The following SYT17 variants were observed in gnomAD, a reference collection of about 807,000 sequenced individuals.
SYT17 encodes synaptotagmin 17, also known as synaptotagmin-17.
A neutral mutation model predicts 46.7 loss-of-function variants in SYT17; 22 were observed. The observed-to-expected ratio is 0.47, with a 90% CI of 0.34 to 0.67. The LOEUF (loss-of-function observed/expected upper bound fraction) is 0.67, where lower values mean the gene tolerates loss of function less well. Among genes scored for constraint, SYT17 ranks in the 30% least tolerant of loss-of-function variants. The pLI, the probability that SYT17 is intolerant of heterozygous loss-of-function variation, is 0.01. For missense variants in SYT17, 519 were observed against 612.8 expected (o/e 0.85, Z 1.62); for synonymous variants, 251 against 248.4 (o/e 1.01, Z -0.10).
At chr16:19,182,036 AT>A (rs1964580327) in intron 4 of SYT17, among the ~76,000 whole-genome samples, 2 of 151,700 alleles carry the variant, frequency 1.3e-5, no homozygotes, top group African/African-American at 4.8e-5. Context: ...GATTTAAAGT[AT>A]CTCACTAAAA....
At chr16:19,253,436 T>C (rs960827181) in intron 7 of SYT17, among the ~76,000 whole-genome samples, 2 of 152,002 alleles carry the variant, frequency 1.3e-5, no homozygotes, top group African/African-American at 4.8e-5. Flanking sequence ...CTAAGTGTGG[T>C]TGTGTGTGCC....
At chr16:19,186,345 A>G (rs1230736859) in intron 5 of SYT17, among the ~76,000 whole-genome samples, 2 of 151,366 alleles carry the variant, frequency 1.3e-5, no homozygotes. Flanking sequence ...TTAGCCAGGC[A>G]TGGTGGCATG....
chr16:19,222,094 T>C (rs1262272595), intron 5 of SYT17, among the ~76,000 whole-genome samples: 1 of 152,208 alleles, frequency 6.6e-6, no homozygotes, highest in Non-Finnish European at 1.5e-5. Context: ...CAGTTAAAGA[T>C]GCATTCTGAA....
chr16:19,260,343 A>G (rs1386142505), intron 7 of SYT17, among the ~76,000 whole-genome samples: 3 of 143,498 alleles, frequency 2.1e-5, no homozygotes, highest in Non-Finnish European at 4.6e-5. Context: ...TACCAAAAAA[A>G]AAAAAAAAAA....
chr16:19,200,694 G>A (rs1322849949), intron 5 of SYT17, among the ~76,000 whole-genome samples: 1 of 152,220 alleles, frequency 6.6e-6, no homozygotes, highest in Non-Finnish European at 1.5e-5. Flanking sequence ...CAGGGCAGGT[G>A]CAGTCAGATA....
chr16:19,203,306 C>T (rs916461558), intron 5 of SYT17, among the ~76,000 whole-genome samples: 2 of 147,846 alleles, frequency 1.4e-5, no homozygotes, highest in Admixed American at 6.8e-5. Context: ...GCCTAGCCAA[C>T]ATGGTGAAAC....
chr16:19,240,645 G>A (rs1468123786), intron 7 of SYT17, among the ~76,000 whole-genome samples: 2 of 152,208 alleles, frequency 1.3e-5, no homozygotes, highest in African/African-American at 4.8e-5. Flanking sequence ...TGGTCCCCAG[G>A]CTTCAGGCCC....
At chr16:19,233,066 C>A (rs1330249172) in intron 7 of SYT17, among the ~76,000 whole-genome samples, 1 of 152,172 alleles carries the variant, frequency 6.6e-6, no homozygotes, top group African/African-American at 2.4e-5. Flanking sequence ...CTCTCTTGTG[C>A]AGGCTGGGTT....
chr16:19,235,081 G>A (rs935998006), intron 7 of SYT17, among the ~76,000 whole-genome samples: 15 of 152,142 alleles, frequency 9.9e-5, no homozygotes, highest in African/African-American at 2.2e-4. Context: ...GGCACTCAGC[G>A]CCAGATCAGT....
rs757569403 is a variant in SYT17 at position 19,224,854 on chromosome 16, A to G, written c.1228+16A>G. 1.9e-6 allele frequency: 3 copies of G among 1,613,644 alleles called. No individual in the cohort carries two copies. The highest frequency in any genetic ancestry group is 8.5e-7 in the Non-Finnish European group (1 of 1,179,718). On this transcript the variant is annotated intron_variant, in intron 7 of 7. Coordinates refer to ENST00000355377, the MANE Select transcript of SYT17 (RefSeq NM_016524.4). ...GTGTTTACAGGTAGGTAGCATTCCA[A>G]AACCCGATGAACTCCAGGTGAGGCA... is the stretch of plus-strand genomic sequence containing the variant.
At chr16:19,223,347 A>G (rs1278722723) in intron 6 of SYT17, among the ~76,000 whole-genome samples, 182 bp downstream of exon 6, 1 of 152,198 alleles carries the variant, frequency 6.6e-6, no homozygotes. Context: ...GGTTGTGATA[A>G]CTACTGGAAA....
chr16:19,179,686 G>A (rs1202781311), intron 3 of SYT17, among the ~76,000 whole-genome samples: 1 of 152,184 alleles, frequency 6.6e-6, no homozygotes. Context: ...AAAGGGACTT[G>A]CCCCAGCACC....
intron 5 of SYT17, among the ~76,000 whole-genome samples, chr16:19,221,594 A>G: frequency 6.6e-6 from 1 of 152,144 alleles, no homozygotes; most frequent in East Asian, 1.9e-4. Flanking sequence ...TCAGTACAGG[A>G]ATCTTTTGGT....
At chr16:19,200,486 A>C (rs1199443501) in intron 5 of SYT17, among the ~76,000 whole-genome samples, 1 of 152,164 alleles carries the variant, frequency 6.6e-6, no homozygotes, top group African/African-American at 2.4e-5. Context: ...AGCACATCTC[A>C]ATTTGCACTA....
At chr16:19,256,437 AACACACACACACACACACACACACACAC>A (rs57120408) in intron 7 of SYT17, among the ~76,000 whole-genome samples, 1 of 128,978 alleles carries the variant, frequency 7.8e-6, no homozygotes, top group Non-Finnish European at 1.6e-5. Flanking sequence ...CCCCTCTTCA[AACACACACACACACACACACACACACAC>A]ACACACACAC....
chr16:19,227,941 G>A (rs992837441), intron 7 of SYT17, among the ~76,000 whole-genome samples: 3 of 152,018 alleles, frequency 2.0e-5, no homozygotes, highest in Admixed American at 6.6e-5. Flanking sequence ...GAATGTGTTC[G>A]TTGCCTTCAG....
intron 3 of SYT17, among the ~76,000 whole-genome samples, chr16:19,174,347 C>T (rs1022948347): frequency 5.3e-5 from 8 of 152,076 alleles, no homozygotes; most frequent in South Asian, 2.1e-4. Context: ...TCAAGAAGGT[C>T]GGGGCTGGGA....
At chr16:19,171,323 A>ATGATGATGG (rs1363793080) in intron 1 of SYT17, 1 of 150,302 alleles carries the variant, frequency 6.7e-6, no homozygotes, top group African/African-American at 2.5e-5. Context: ...GATGATGATG[A>ATGATGATGG]TGATTATGAT....
chr16:19,223,406 T>C (rs1041949470), intron 6 of SYT17, among the ~76,000 whole-genome samples: 1 of 152,202 alleles, frequency 6.6e-6, no homozygotes, highest in African/African-American at 2.4e-5. Flanking sequence ...TTCCAAATGC[T>C]ATTCCTGCAA....
Sources: allele counts gnomAD v4.1 joint callset (sites outside exome capture counted in the v4.1 genomes callset), GRCh38; gene constraint gnomAD v4.1.1; transcripts MANE v1.5; gene names NCBI Gene and HGNC (gene_info 2026-07-23, HGNC 2026-07-21).